The following BICD2 variants were observed in gnomAD, a reference collection of about 807,000 sequenced individuals.
BICD2 encodes protein bicaudal D homolog 2.
A neutral mutation model predicts 72.9 loss-of-function variants in BICD2; 25 were observed. The observed-to-expected ratio is 0.34, with a 90% CI of 0.25 to 0.48. The LOEUF is 0.48. Ranked by LOEUF, BICD2 falls within the 20% of genes least tolerant of loss-of-function variation. The pLI is 0.99. For synonymous variants in BICD2, 501 were observed against 516.1 expected, an observed-to-expected ratio of 0.97 and a Z score of 0.40; for missense variants, 894 against 1,175.2, an observed-to-expected ratio of 0.76 and a Z score of 3.50.
At position 92,715,282 on chromosome 9, in the gene BICD2, C is replaced by A. The variant is rs751158467; in HGVS notation, c.2440G>T (p.Ala814Ser). Residue 814 changes from alanine to serine, a missense_variant, in exon 7 of 7, where the codon GCC becomes TCC. By Grantham distance (99) the Ala-to-Ser change is moderately conservative. Coordinates refer to ENST00000356884, the MANE Select transcript of BICD2 (RefSeq NM_001003800.2). ...GGTGTGGCTGGCTTGGTCTTCGGGG[C>A]GGCTTTGGCACGGCCACGCCGGGTC... ...EQTRRGRAKAAPKTKPATPSV... is the reference protein window; with the variant it reads ...EQTRRGRAKASPKTKPATPSV... 61 of 1,612,576 alleles carry A rather than the reference C, an allele frequency of 3.8e-5. 1 individual carries two copies. The Middle Eastern group carries it at 1.5e-3, about 39-fold the overall frequency.
At chr9:92,756,711 A>C (rs2131535089) in intron 1 of BICD2, among the ~76,000 whole-genome samples, 1 of 151,694 alleles carries the variant, frequency 6.6e-6, no homozygotes, top group East Asian at 2.0e-4. Context: ...TACTAAAAAT[A>C]CAAAAGTTAG....
Position 92,711,410 on chromosome 9 carries a change from C to G in BICD2, c.*3744G>C, listed in dbSNP as rs1853192494. The G allele has an allele frequency of 6.6e-6, 1 of 152,586 alleles. No individual in the cohort carries two copies. Among genetic ancestry groups the G allele is most frequent in the Non-Finnish European group, 1.5e-5 (1 of 68,046 alleles). The allele number at this position is 152,586 out of a possible 1,614,324, so 9.5% of individuals were successfully genotyped here. A position where few individuals can be genotyped will look rare whatever the true frequency, so the allele number is the denominator to read the frequency against. On this transcript the variant is annotated 3_prime_UTR_variant, in exon 7 of 7. Transcript: ENST00000356884. ...CTTTATTGGTCCTACCAATGTGACT[C>G]TTTACCCAGGCCCACTGTTCCTATG...
chr9:92,718,610 G>A lies in BICD2; in HGVS notation c.2035C>T (p.Leu679=). The change falls in exon 5 of 7, where the codon CTG becomes TTG. Residue 679 remains leucine, a synonymous_variant. Coordinates refer to ENST00000356884, the MANE Select transcript of BICD2 (RefSeq NM_001003800.2). The part of the protein sequence containing the change: ...KEALMEEILK[L]KSLLSTKREQ... ...CGCTTGGTGCTGAGCAGCGACTTCA[G>A]CTTGAGGATCTCCTCCATAAGCGCT... is the stretch of plus-strand genomic sequence containing the variant. 1 of 1,613,770 alleles carries A rather than the reference G, an allele frequency of 6.2e-7. No individual in the cohort carries two copies.
Position 92,746,312 on chromosome 9 carries a change from A to T in BICD2, c.241-17076T>A, listed in dbSNP as rs555450185. On this transcript the variant is annotated intron_variant, in intron 1 of 6. Coordinates refer to ENST00000356884, the MANE Select transcript of BICD2 (RefSeq NM_001003800.2). The stretch of plus-strand genomic sequence containing the variant: ...TTTGGGAGGCTGAGGCAGGCAGATC[A>T]CCTGAGGTCAGGAGTTCAAGACCAG... Among the ~76,000 whole-genome samples the T allele has an allele frequency of 3.9e-5, 6 of 152,220 alleles. No homozygotes were observed. The East Asian group carries it at 9.7e-4, about 24-fold the overall frequency.
rs1587670357 is a variant in BICD2 at position 92,720,543 on chromosome 9, G to A, written c.819C>T (p.Thr273=). The A allele has an allele frequency of 6.2e-7, 1 of 1,614,184 alleles. No homozygotes were observed. The highest frequency in any genetic ancestry group is 1.1e-5 in the South Asian group (1 of 91,078). ...CATCCAGCGAGACATGCAGGTGGCT[G>A]GTGTAGAAGGAGTCATTGATGCTCA... ...HYMSINDSFY[T]SHLHVSLDGL... is the part of the protein sequence containing the mutation. The change falls in exon 4 of 7, where the codon ACC becomes ACT. Residue 273 remains threonine, a synonymous_variant. Transcript: ENST00000356884. This position sits in a 1 kb window ranked among gnomAD's most constrained non-coding sequence, Gnocchi z 5.4.
intron 1 of BICD2, among the ~76,000 whole-genome samples, chr9:92,749,982 G>A (rs1360283764): frequency 6.6e-6 from 1 of 152,258 alleles, no homozygotes; most frequent in Non-Finnish European, 1.5e-5. Flanking sequence ...CCACAGGAGA[G>A]CATGGCTGCA....
chr9:92,721,864 G>A (rs1008472901), intron 3 of BICD2, among the ~76,000 whole-genome samples: 9 of 152,216 alleles, frequency 5.9e-5, no homozygotes, highest in Non-Finnish European at 1.0e-4. Flanking sequence ...TAATGAGCTC[G>A]AGCTGTCACA....
At chr9:92,736,372 G>C (rs114530695) in intron 1 of BICD2, among the ~76,000 whole-genome samples, 192 of 152,290 alleles carry the variant, frequency 1.3e-3, no homozygotes, top group African/African-American at 4.3e-3. Flanking sequence ...CCATGGCCCT[G>C]TGATGGCCCC....
At chr9:92,749,852 G>A (rs1854112100) in intron 1 of BICD2, among the ~76,000 whole-genome samples, 1 of 152,248 alleles carries the variant, frequency 6.6e-6, no homozygotes, top group Admixed American at 6.5e-5. Flanking sequence ...ACAGCTTGTA[G>A]TCAGGGCAAG....
At chr9:92,719,643 G>C (rs1853418155) in intron 4 of BICD2, 61 bp from the exon 5 acceptor site, 2 of 1,480,230 alleles carry the variant, frequency 1.4e-6, no homozygotes, top group Non-Finnish European at 1.8e-6. Flanking sequence ...GAGCTTGGAG[G>C]ACCCCCAAGA....
At chr9:92,722,958 G>C (rs1253770875) in intron 2 of BICD2, 150 bp from the exon 3 acceptor site, 1 of 950,288 alleles carries the variant, frequency 1.1e-6, no homozygotes, top group Admixed American at 2.2e-5. Context: ...GAGAGGAGAG[G>C]GAGCCCAGAG....
In BICD2 at chr9:92,720,456, G is replaced by T; in HGVS notation, c.906C>A (p.Gly302=). 1 of 1,614,212 alleles carries T rather than the reference G, an allele frequency of 6.2e-7. No individual in the cohort carries two copies. The highest frequency in any genetic ancestry group is 8.5e-7 in the Non-Finnish European group (1 of 1,180,042). Residue 302 remains glycine, a synonymous_variant, in exon 4 of 7, where the codon GGC becomes GGA. Coordinates refer to ENST00000356884, the MANE Select transcript of BICD2 (RefSeq NM_001003800.2). This position sits in a 1 kb window ranked among gnomAD's most constrained non-coding sequence, Gnocchi z 5.4. ...PNNDAEALVN[G]FEHGGLAKLP... ...GCTTGGCCAGGCCGCCGTGCTCAAAGCCATTGACCAGGGCCTCGGCATCGT... is the reference window on the plus strand; with the variant it reads ...GCTTGGCCAGGCCGCCGTGCTCAAATCCATTGACCAGGGCCTCGGCATCGT...
intron 1 of BICD2, among the ~76,000 whole-genome samples, chr9:92,741,339 G>A (rs1401855998): frequency 6.6e-6 from 1 of 152,164 alleles, no homozygotes; most frequent in African/African-American, 2.4e-5. Context: ...CCTTGCCCAG[G>A]AACATAAAAC....
intron 1 of BICD2, among the ~76,000 whole-genome samples, chr9:92,758,164 A>G (rs931858763): frequency 1.8e-4 from 28 of 151,738 alleles, no homozygotes; most frequent in African/African-American, 6.8e-4. Context: ...AGATCGTGCC[A>G]CTGCACTCCA....
chr9:92,717,676 C>T (rs1165182808), intron 6 of BICD2, 121 bp downstream of exon 6: 5 of 1,312,978 alleles, frequency 3.8e-6, no homozygotes, highest in Non-Finnish European at 4.1e-6. Context: ...CTGGGCACAG[C>T]CACTGACTAG....
chr9:92,722,249 C>T (rs1853477671), intron 3 of BICD2, among the ~76,000 whole-genome samples: 1 of 152,200 alleles, frequency 6.6e-6, no homozygotes, highest in African/African-American at 2.4e-5. Flanking sequence ...GGTTCCTGTT[C>T]ATCCCCGTCA....
chr9:92,763,215 T>A (rs1178671965), intron 1 of BICD2, among the ~76,000 whole-genome samples: 1 of 152,120 alleles, frequency 6.6e-6, no homozygotes, highest in East Asian at 1.9e-4. Flanking sequence ...TTGGATTCAT[T>A]CTCTGCTCTC....
chr9:92,729,073 G>T lies in BICD2; in HGVS notation c.404C>A (p.Thr135Lys). Residue 135 changes from threonine (T) to lysine (K), a missense_variant, in exon 2 of 7, where the codon ACG becomes AAG. Physicochemically the swap from Thr to Lys is moderately conservative, Grantham distance 78 (BLOSUM62 -1). Around this residue, in one of 5 missense-constraint regions of BICD2, gnomAD observed 192 missense variants for 243.6 expected, o/e 0.79. Coordinates refer to ENST00000356884, the MANE Select transcript of BICD2 (RefSeq NM_001003800.2). ...LKQLRNVLTN[T>K]QSENERLASV... ...GGCCAGGCGCTCATTCTCCGACTGC[G>T]TGTTGGTGAGGACATTGCGCAACTG... is the stretch of plus-strand genomic sequence containing the variant. 5 of 1,614,254 alleles carry T rather than the reference G, an allele frequency of 3.1e-6. No individual in the cohort carries two copies. The highest frequency in any genetic ancestry group is 4.2e-6 in the Non-Finnish European group (5 of 1,180,056).
rs200288349 is a variant in BICD2, at chr9:92,720,381, C to T, written c.981G>A (p.Pro327=). Residue 327 remains proline (P), a synonymous_variant, in exon 4 of 7, where the codon CCG becomes CCA. Coordinates refer to ENST00000356884, the MANE Select transcript of BICD2 (RefSeq NM_001003800.2). The surrounding 1 kb of genome is among the most constrained non-coding windows in gnomAD (Gnocchi z 5.4). Reference sequence around the variant, plus strand: ...GGTCGGAGACGAGGCTGGGGGAGGGCGGTGCGAGGCCCTCCTTCTTGGGCG... The same window carrying T: ...GGTCGGAGACGAGGCTGGGGGAGGGTGGTGCGAGGCCCTCCTTCTTGGGCG... ...TSTPKKEGLA[P]PSPSLVSDLL... 4.3e-5 allele frequency: 70 copies of T among 1,613,998 alleles called. No individual in the cohort carries two copies. The East Asian group carries it at 7.4e-4, about 17-fold the overall frequency.
Sources: allele counts gnomAD v4.1 joint callset (sites outside exome capture counted in the v4.1 genomes callset), GRCh38; gene constraint gnomAD v4.1.1; regional missense constraint gnomAD v4.1.1; non-coding constraint Gnocchi (gnomAD v3.1); transcripts MANE v1.5; gene names NCBI Gene and HGNC (gene_info 2026-07-23, HGNC 2026-07-21).